Variants in DKK2 observed in about 807,000 individuals in gnomAD.
The protein encoded by DKK2 is dickkopf-related protein 2.
A neutral mutation model predicts 28.1 loss-of-function variants in DKK2; 11 were observed. That is an observed-to-expected ratio of 0.39 (90% confidence interval 0.25 to 0.65). The LOEUF (loss-of-function observed/expected upper bound fraction) is 0.65, where lower values mean the gene tolerates loss of function less well. DKK2 is among the 30% of genes least tolerant of loss of function. The pLI is 0.47. For missense variants in DKK2, 326 were observed against 335.5 expected, an observed-to-expected ratio of 0.97 and a Z score of 0.22; for synonymous variants, 135 against 126.5, an observed-to-expected ratio of 1.07 and a Z score of -0.45.
At chr4:106,957,095 C>T (rs1385978547) in intron 1 of DKK2, among the ~76,000 whole-genome samples, 1 of 152,010 alleles carries the variant, frequency 6.6e-6, no homozygotes, top group East Asian at 1.9e-4. Context: ...GGGCAAAGGA[C>T]ATGAACAGAC....
At chr4:106,978,657 C>T (rs12501815) in intron 1 of DKK2, among the ~76,000 whole-genome samples, 176 of 152,124 alleles carry the variant, frequency 1.2e-3, no homozygotes, top group South Asian at 3.7e-3. Context: ...TTCAAACAAT[C>T]GATCTTAGCT....
At chr4:106,969,448 G>A (rs1298376539) in intron 1 of DKK2, among the ~76,000 whole-genome samples, 1 of 151,616 alleles carries the variant, frequency 6.6e-6, no homozygotes. Context: ...GCCCCATGCT[G>A]ACTCCACAGT....
intron 1 of DKK2, among the ~76,000 whole-genome samples, chr4:106,979,073 TTTTG>T (rs1196889400): frequency 2.2e-5 from 3 of 139,496 alleles, no homozygotes; most frequent in Non-Finnish European, 4.7e-5. Flanking sequence ...TTGTTTTTGT[TTTTG>T]TTTTTTTTTC....
intron 1 of DKK2, among the ~76,000 whole-genome samples, chr4:106,979,191 A>G (rs559350506): frequency 6.6e-6 from 1 of 152,178 alleles, no homozygotes; most frequent in East Asian, 1.9e-4. Flanking sequence ...GCCATCCTTT[A>G]TAAAGGAATT....
intron 1 of DKK2, among the ~76,000 whole-genome samples, chr4:107,002,653 T>C (rs931634451): frequency 2.0e-5 from 3 of 152,312 alleles, no homozygotes; most frequent in East Asian, 1.9e-4. Context: ...GTAAATTTGG[T>C]ATGGCCTAAG....
At chr4:107,034,523 AATCT>A (rs1723932410) in intron 1 of DKK2, among the ~76,000 whole-genome samples, 1 of 152,090 alleles carries the variant, frequency 6.6e-6, no homozygotes, top group Non-Finnish European at 1.5e-5. Context: ...AGTGGCTTTC[AATCT>A]ATCTGTCTGT....
chr4:106,924,839 A>G (rs1724403313), intron 2 of DKK2, 139 bp from the exon 3 acceptor site: 1 of 860,036 alleles, frequency 1.2e-6, no homozygotes, highest in Non-Finnish European at 1.7e-6. Context: ...CCATTCATTT[A>G]CTTATTTATT....
At chr4:107,033,675 C>T (rs943580689) in intron 1 of DKK2, among the ~76,000 whole-genome samples, 1 of 152,148 alleles carries the variant, frequency 6.6e-6, no homozygotes, top group Non-Finnish European at 1.5e-5. Flanking sequence ...TTGAGGTTTC[C>T]TTCCCTGTGT....
chr4:106,962,491 ATGTGTGTGTG>A (rs59831895), intron 1 of DKK2, among the ~76,000 whole-genome samples: 14,218 of 117,250 alleles, frequency 0.12, 854 homozygotes, highest in African/African-American at 0.16. Flanking sequence ...CAGAAAAACT[ATGTGTGTGTG>A]TGTGTGTGTG....
intron 1 of DKK2, among the ~76,000 whole-genome samples, chr4:106,940,568 A>C (rs1418391013): frequency 1.5e-4 from 23 of 151,078 alleles, no homozygotes; most frequent in African/African-American, 5.1e-4. Context: ...TCAGGGATCT[A>C]GAACTGGAAA....
intron 1 of DKK2, among the ~76,000 whole-genome samples, chr4:106,959,415 A>G (rs994081165): frequency 6.6e-6 from 1 of 151,894 alleles, no homozygotes; most frequent in Non-Finnish European, 1.5e-5. Flanking sequence ...GGAAATTACT[A>G]TTTTCCCTTT....
rs1301868193 is a variant in DKK2 at position 107,022,303 on chromosome 4, T to C, written c.222+13067A>G. On this transcript the variant is annotated intron_variant, in intron 1 of 3. Coordinates refer to ENST00000285311, the MANE Select transcript of DKK2 (RefSeq NM_014421.3). Reference sequence around the variant, plus strand: ...ATGTTTGTTGACTGTGATCATAGCATCTAATACACTTAAGAAGTAAGCAAT... The same window carrying C: ...ATGTTTGTTGACTGTGATCATAGCACCTAATACACTTAAGAAGTAAGCAAT... Among the ~76,000 whole-genome samples the C allele has an allele frequency of 3.9e-5, 6 of 152,264 alleles. No homozygotes were observed. The East Asian group carries it at 7.7e-4, about 20-fold the overall frequency.
chr4:107,026,382 A>T (rs1237557421), intron 1 of DKK2, among the ~76,000 whole-genome samples: 1 of 152,204 alleles, frequency 6.6e-6, no homozygotes, highest in African/African-American at 2.4e-5. Context: ...TTAGTACATA[A>T]TTCAAGATAT....
At chr4:106,956,498 A>G (rs902716455) in intron 1 of DKK2, among the ~76,000 whole-genome samples, 6 of 152,210 alleles carry the variant, frequency 3.9e-5, no homozygotes, top group African/African-American at 1.4e-4. Flanking sequence ...CTGACTTCAA[A>G]CTATACTACA....
intron 1 of DKK2, among the ~76,000 whole-genome samples, chr4:107,018,967 T>C (rs562294495): frequency 2.0e-5 from 3 of 152,212 alleles, no homozygotes; most frequent in South Asian, 4.1e-4. Context: ...ATTTAAAATG[T>C]TATTTTTTGT....
intron 1 of DKK2, among the ~76,000 whole-genome samples, chr4:107,031,405 AG>A (rs948444757): frequency 6.6e-6 from 1 of 152,002 alleles, no homozygotes; most frequent in Non-Finnish European, 1.5e-5. Flanking sequence ...ATACAGATAC[AG>A]CACACTTTCA....
intron 1 of DKK2, among the ~76,000 whole-genome samples, chr4:106,943,144 C>A (rs547225665): frequency 5.3e-5 from 8 of 152,144 alleles, no homozygotes; most frequent in East Asian, 1.9e-4. Context: ...TTTTAAGCAA[C>A]CTTCCAAGCT....
At chr4:106,961,712 C>T (rs555255538) in intron 1 of DKK2, among the ~76,000 whole-genome samples, 1 of 152,168 alleles carries the variant, frequency 6.6e-6, no homozygotes, top group Admixed American at 6.6e-5. Flanking sequence ...GTAATTCAGA[C>T]AGGCCAGCAG....
chr4:107,027,974 G>C (rs1302514097), intron 1 of DKK2, among the ~76,000 whole-genome samples: 2 of 151,756 alleles, frequency 1.3e-5, no homozygotes, highest in East Asian at 1.9e-4. Context: ...GGATGGTCTC[G>C]ATCTCCTGAC....
Sources: gnomAD v4.1 joint callset for allele counts (sites outside exome capture counted in the v4.1 genomes callset) on GRCh38, gnomAD v4.1.1 for gene constraint, MANE v1.5 for transcripts, NCBI Gene and HGNC (gene_info 2026-07-23, HGNC 2026-07-21) for gene names.